PLSCR2: variants seen among roughly 807,000 people sequenced by gnomAD.
PLSCR2 encodes phospholipid scramblase 2.
Under a neutral mutation model 25.3 loss-of-function variants are expected in PLSCR2, and 18 were observed. That is an observed-to-expected ratio of 0.71 (90% CI 0.49 to 1.06). PLSCR2 has a LOEUF of 1.06. Ranked by LOEUF, PLSCR2 falls within the 50% of genes least tolerant of loss-of-function variation. PLSCR2 has a pLI of 0.00. For synonymous variants in PLSCR2, 88 were observed against 87.3 expected, an observed-to-expected ratio of 1.01 and a Z score of -0.04; for missense variants, 243 against 269.5, an observed-to-expected ratio of 0.90 and a Z score of 0.69.
chr3:146,424,586 T>C lies in PLSCR2; in HGVS notation c.101-28665A>G, dbSNP rs186555525. 1.5e-4 allele frequency among the ~76,000 whole-genome samples: 23 copies of C among 152,238 alleles called. No individual in the cohort carries two copies. The South Asian group carries it at 3.7e-3, about 25-fold the overall frequency. ...AATCTTGGTACGGGAATCACAGCTT[T>C]TCTGCTGTTTTGCTTTTTATAGTTT... On this transcript the variant is annotated intron_variant and NMD_transcript_variant, in intron 2 of 3. Transcript: ENST00000463633.
chr3:146,421,538 T>A (rs1413298755), intron 2 of PLSCR2, among the ~76,000 whole-genome samples: 1 of 152,074 alleles, frequency 6.6e-6, no homozygotes, highest in East Asian at 1.9e-4. Context: ...TTCTGGAAAC[T>A]ACATGTGGAA....
At chr3:146,421,263 A>G (rs1023098013) in intron 2 of PLSCR2, among the ~76,000 whole-genome samples, 6 of 152,064 alleles carry the variant, frequency 3.9e-5, no homozygotes, top group Non-Finnish European at 5.9e-5. Flanking sequence ...TACTTTGTAT[A>G]CTGAAGATCT....
chr3:146,454,186 A>C (rs780011331), intron 4 of PLSCR2, 23 bp from the exon 5 acceptor site: 11 of 1,496,820 alleles, frequency 7.3e-6, no homozygotes, highest in Non-Finnish European at 1.0e-5. Flanking sequence ...AATATGTGTG[A>C]ACGTAATAAA....
At chr3:146,395,443 T>C (rs541292518) in intron 3 of PLSCR2, among the ~76,000 whole-genome samples, 22 of 152,324 alleles carry the variant, frequency 1.4e-4, no homozygotes, top group Admixed American at 1.2e-3. Flanking sequence ...AACAAGCATG[T>C]ATTAATAAAT....
At chr3:146,398,923 A>G (rs1329611468) in intron 2 of PLSCR2, 1 of 152,146 alleles carries the variant, frequency 6.6e-6, no homozygotes, top group Non-Finnish European at 1.5e-5. Flanking sequence ...AGCTTTTTGT[A>G]TATTTTGACA....
intron 2 of PLSCR2, among the ~76,000 whole-genome samples, chr3:146,427,001 C>T (rs917892501): frequency 6.6e-6 from 1 of 152,000 alleles, no homozygotes; most frequent in Non-Finnish European, 1.5e-5. Flanking sequence ...TAGTAGTAAA[C>T]TTCACCCTCA....
At chr3:146,440,099 G>C (rs535168035), downstream of PLSCR2, among the ~76,000 whole-genome samples, 1 of 152,296 alleles carries the variant, frequency 6.6e-6, no homozygotes, top group South Asian at 2.1e-4. Flanking sequence ...AAATATTGCA[G>C]AACGGCAAAT....
At chr3:146,483,685 C>G (rs1245821445) in intron 1 of PLSCR2, among the ~76,000 whole-genome samples, 2 of 150,526 alleles carry the variant, frequency 1.3e-5, no homozygotes, top group Non-Finnish European at 3.0e-5. Context: ...TTCAGCAGCC[C>G]TAGAGAAGAG....
At chr3:146,422,273 A>G (rs978734230) in intron 2 of PLSCR2, among the ~76,000 whole-genome samples, 8 of 152,128 alleles carry the variant, frequency 5.3e-5, no homozygotes, top group Admixed American at 1.3e-4. Flanking sequence ...TCAAGTCTCC[A>G]GGGTGATATT....
At chr3:146,404,411 T>A (rs970764135) in intron 2 of PLSCR2, among the ~76,000 whole-genome samples, 1 of 152,314 alleles carries the variant, frequency 6.6e-6, no homozygotes, top group South Asian at 2.1e-4. Flanking sequence ...ACTCCTGCCA[T>A]AATGGCAACA....
intron 1 of PLSCR2, among the ~76,000 whole-genome samples, chr3:146,493,967 C>A (rs2043653390): frequency 6.6e-6 from 1 of 151,946 alleles, no homozygotes; most frequent in South Asian, 2.1e-4. Context: ...CTGTTGATTA[C>A]ATCATGGCTA....
In PLSCR2 at chr3:146,407,133, A is replaced by C. The variant is rs139628887; in HGVS notation, c.101-11212T>G. On this transcript the variant is annotated intron_variant and NMD_transcript_variant, in intron 2 of 3. Transcript: ENST00000463633. ...CACCAGTTTTTAAGATTAATTTTGT[A>C]AGTGTTTTTTAGGGTGCGGTTTATG... Among the ~76,000 whole-genome samples the C allele has an allele frequency of 3.9e-3, 591 of 152,178 alleles. 4 individuals are homozygous for C. Among genetic ancestry groups the C allele is most frequent in the African/African-American group, 0.014 (574 of 41,524 alleles).
At position 146,493,795 on chromosome 3, in the gene PLSCR2, T is replaced by G. The variant is rs867977034; in HGVS notation, c.-293+2100A>C. Among the ~76,000 whole-genome samples the G allele has an allele frequency of 6.8e-3, 1,012 of 149,238 alleles. 13 individuals carry two copies. The highest frequency in any genetic ancestry group is 0.022 in the African/African-American group (913 of 40,666). ...AGTCCAAGGTGGCGTTTTTTTTTTTTTTTTTTTTTTTTGCAAGTGTAAAAA... is the reference window on the plus strand; with the variant it reads ...AGTCCAAGGTGGCGTTTTTTTTTTTGTTTTTTTTTTTTGCAAGTGTAAAAA... On this transcript the variant is annotated intron_variant, in intron 1 of 8. Transcript: ENST00000336685.
chr3:146,441,103 T>G (rs1460337557), downstream of PLSCR2, among the ~76,000 whole-genome samples: 5 of 152,136 alleles, frequency 3.3e-5, no homozygotes, highest in South Asian at 4.1e-4. Context: ...TAATTTATCA[T>G]GTAGTCATTA....
chr3:146,448,245 C>A (rs1426142505), intron 6 of PLSCR2, among the ~76,000 whole-genome samples: 1 of 152,148 alleles, frequency 6.6e-6, no homozygotes, highest in Non-Finnish European at 1.5e-5. Flanking sequence ...ATTCTCAGAG[C>A]CTTCTATTCA....
At chr3:146,412,283 C>T (rs547995363) in intron 2 of PLSCR2, among the ~76,000 whole-genome samples, 1 of 152,266 alleles carries the variant, frequency 6.6e-6, no homozygotes, top group South Asian at 2.1e-4. Flanking sequence ...GACCACTCCA[C>T]TGAGCATTGC....
chr3:146,434,500 C>T (rs1246701484), intron 8 of PLSCR2, among the ~76,000 whole-genome samples: 1 of 151,534 alleles, frequency 6.6e-6, no homozygotes, highest in Non-Finnish European at 1.5e-5. Context: ...TACTATGCAA[C>T]TAGTAAAAGG....
chr3:146,446,934 AC>A (rs1196803681), intron 6 of PLSCR2, among the ~76,000 whole-genome samples: 2 of 152,160 alleles, frequency 1.3e-5, no homozygotes, highest in Non-Finnish European at 2.9e-5. Context: ...ATTGGCCACC[AC>A]CACCCCAGGC....
chr3:146,459,698 T>C (rs1223930310), intron 2 of PLSCR2, 150 bp downstream of exon 2: 1 of 596,398 alleles, frequency 1.7e-6, no homozygotes, highest in Non-Finnish European at 2.9e-6. Flanking sequence ...ACTAGTGATT[T>C]GTTAACAGAA....
Sources: allele counts gnomAD v4.1 joint callset (sites outside exome capture counted in the v4.1 genomes callset), GRCh38; gene constraint gnomAD v4.1.1; transcripts MANE v1.5; gene names NCBI Gene and HGNC (gene_info 2026-07-23, HGNC 2026-07-21).